EDNRB: variants seen among roughly 807,000 people sequenced by gnomAD.
The protein encoded by EDNRB is Hirschsprung disease 2.
A neutral mutation model predicts 46.4 loss-of-function variants in EDNRB; 18 were observed. The observed-to-expected ratio is 0.39, with a 90% CI of 0.27 to 0.57. The LOEUF is 0.57. Ranked by LOEUF, EDNRB falls within the 20% of genes least tolerant of loss-of-function variation. EDNRB has a pLI of 0.61. For synonymous variants in EDNRB, 213 were observed against 204.9 expected, an observed-to-expected ratio of 1.04 and a Z score of -0.34; for missense variants, 434 against 537.5, an observed-to-expected ratio of 0.81 and a Z score of 1.90.
chr13:77,969,088 G>A (rs149778607), intron 1 of EDNRB, among the ~76,000 whole-genome samples: 160 of 152,240 alleles, frequency 1.1e-3, no homozygotes, highest in African/African-American at 3.5e-3. Context: ...ACTGAGTTTC[G>A]TTTAAGCCTT....
intron 4 of EDNRB, 136 bp downstream of exon 4, chr13:77,900,922 T>C: frequency 9.2e-7 from 1 of 1,088,242 alleles, no homozygotes; most frequent in Non-Finnish European, 1.3e-6. Flanking sequence ...TTTATCTATT[T>C]AAAACTACCA....
chr13:77,938,033 G>A (rs1045706479), intron 1 of EDNRB, among the ~76,000 whole-genome samples: 2 of 152,138 alleles, frequency 1.3e-5, no homozygotes, highest in Non-Finnish European at 2.9e-5. Context: ...CAACTGTCAA[G>A]TTTGTTTGGG....
At chr13:77,913,420 A>C (rs1307543140) in intron 1 of EDNRB, among the ~76,000 whole-genome samples, 1 of 152,106 alleles carries the variant, frequency 6.6e-6, no homozygotes, top group Admixed American at 6.6e-5. Flanking sequence ...CTAGCTCTCC[A>C]TCACCACTGG....
chr13:77,948,772 T>C (rs1405923291), intron 1 of EDNRB, among the ~76,000 whole-genome samples: 3 of 152,200 alleles, frequency 2.0e-5, no homozygotes, highest in Non-Finnish European at 4.4e-5. Context: ...TACCATTTAC[T>C]GCAAAAAATT....
At chr13:77,917,156 G>A (rs1354312492) in intron 1 of EDNRB, among the ~76,000 whole-genome samples, 1 of 152,144 alleles carries the variant, frequency 6.6e-6, no homozygotes, top group East Asian at 1.9e-4. Context: ...TTGATGGGGT[G>A]CCATCATATA....
At chr13:77,969,724 T>G (rs941929505) in intron 1 of EDNRB, among the ~76,000 whole-genome samples, 1 of 152,228 alleles carries the variant, frequency 6.6e-6, no homozygotes, top group Admixed American at 6.5e-5. Flanking sequence ...AATGTGCTTA[T>G]GACTGGGAAC....
chr13:77,937,362 C>A (rs565433448), intron 1 of EDNRB, among the ~76,000 whole-genome samples: 1 of 152,138 alleles, frequency 6.6e-6, no homozygotes, highest in African/African-American at 2.4e-5. Flanking sequence ...GTGAAGCCAG[C>A]GGTTATCAGC....
chr13:77,918,232 C>A lies in EDNRB; in HGVS notation c.342G>T (p.Leu114=). The part of the protein sequence containing the change: ...NTVVSCLVFV[L]GIIGNSTLLR... ...GAAGTGTGGAGTTCCCGATGATCCC[C>A]AGCACGAACACAAGGCAGGACACAA... The change falls in exon 1 of 7, where the codon CTG becomes CTT. Residue 114 remains leucine (L), a synonymous_variant. Coordinates refer to ENST00000646607, the MANE Select transcript of EDNRB (RefSeq NM_001122659.3). The surrounding 1 kb of genome is among the most constrained non-coding windows in gnomAD (Gnocchi z 4.5). The A allele has an allele frequency of 1.2e-6, 2 of 1,614,106 alleles. No homozygotes were observed. The highest frequency in any genetic ancestry group is 1.7e-6 in the Non-Finnish European group (2 of 1,180,018).
chr13:77,900,740 C>A, intron 4 of EDNRB, 86 bp from the exon 5 acceptor site: 1 of 1,577,230 alleles, frequency 6.3e-7, no homozygotes, highest in Non-Finnish European at 8.7e-7. Flanking sequence ...TTAATATTGT[C>A]TACAAAAAGT....
intron 3 of EDNRB, among the ~76,000 whole-genome samples, chr13:77,902,153 A>T (rs1879024763): frequency 6.6e-6 from 1 of 152,000 alleles, no homozygotes; most frequent in African/African-American, 2.4e-5. Flanking sequence ...CATCAAAGAC[A>T]GAGAGAGGGG....
rs911090543 is a variant in EDNRB, at chr13:77,897,705, C to T, written c.*495G>A. 2 of 984,904 alleles carry T rather than the reference C, an allele frequency of 2.0e-6. No individual in the cohort carries two copies. The highest frequency in any genetic ancestry group is 3.5e-5 in the African/African-American group (2 of 57,128). The allele number at this position is 984,904 out of a possible 1,614,324, so 61.0% of individuals were successfully genotyped here. On this transcript the variant is annotated 3_prime_UTR_variant, in exon 7 of 7. Transcript: ENST00000646607. ...CTGCTCTCTCATTTGCATCTAATTACAATCTGATAATAGTGTGATAATATT... is the reference window on the plus strand; with the variant it reads ...CTGCTCTCTCATTTGCATCTAATTATAATCTGATAATAGTGTGATAATATT...
chr13:77,919,556 G>A, upstream of EDNRB: 1 of 1,612,688 alleles, frequency 6.2e-7, no homozygotes, highest in Non-Finnish European at 8.5e-7. Context: ...ATGCCAGACA[G>A]TGTAGCCTCC....
Position 77,917,327 on chromosome 13 carries a change from C to T in EDNRB, c.483+764G>A, listed in dbSNP as rs12720166. ...GTAACACATCTCACCCAGTCCTTGG[C>T]CCACTGTAGATATTTAATACAAAGT... On this transcript the variant is annotated intron_variant, in intron 1 of 6. Coordinates refer to ENST00000646607, the MANE Select transcript of EDNRB (RefSeq NM_001122659.3). Among the ~76,000 whole-genome samples, 507 of 152,288 alleles carry T rather than the reference C, an allele frequency of 3.3e-3. 6 individuals are homozygous for T. The East Asian group carries it at 0.054, about 16-fold the overall frequency.
chr13:77,960,519 C>G (rs982322757), intron 1 of EDNRB, among the ~76,000 whole-genome samples: 4 of 152,148 alleles, frequency 2.6e-5, no homozygotes, highest in Admixed American at 1.3e-4. Flanking sequence ...GCCTGCCCTA[C>G]AAGAGTTCCT....
intron 1 of EDNRB, among the ~76,000 whole-genome samples, chr13:77,972,505 G>A (rs1267556968): frequency 6.6e-6 from 1 of 152,160 alleles, no homozygotes; most frequent in African/African-American, 2.4e-5. Context: ...GACCAACTAT[G>A]GCATAAAAGC....
intron 1 of EDNRB, among the ~76,000 whole-genome samples, chr13:77,951,885 C>T (rs1881100620): frequency 6.6e-6 from 1 of 152,152 alleles, no homozygotes; most frequent in Non-Finnish European, 1.5e-5. Flanking sequence ...CCCACTTACC[C>T]AAAGTCGTCC....
intron 4 of EDNRB, 26 bp from the exon 5 acceptor site, chr13:77,900,680 T>A: frequency 6.2e-7 from 1 of 1,611,744 alleles, no homozygotes; most frequent in Non-Finnish European, 8.5e-7. Flanking sequence ...AGTTTGACCC[T>A]TAAAAGATGG....
In EDNRB at chr13:77,918,644, G is replaced by A. The variant is rs1479131378; in HGVS notation, c.-71C>T. On this transcript the variant is annotated 5_prime_UTR_variant, in exon 1 of 7. Coordinates refer to ENST00000646607, the MANE Select transcript of EDNRB (RefSeq NM_001122659.3). The surrounding 1 kb of genome is among the most constrained non-coding windows in gnomAD (Gnocchi z 4.5). The stretch of plus-strand genomic sequence containing the variant: ...CAGAGCCTAGAGACAAGCAGAGGAA[G>A]GAAGACAGGACACTTGGGTCAGCTG... The A allele has an allele frequency of 6.6e-7, 1 of 1,513,356 alleles. No homozygotes were observed. The highest frequency in any genetic ancestry group is 8.7e-7 in the Non-Finnish European group (1 of 1,144,192). The allele number at this position is 1,513,356 out of a possible 1,614,324, so 93.7% of individuals were successfully genotyped here. A position where few individuals can be genotyped will look rare whatever the true frequency, so the allele number is the denominator to read the frequency against.
rs1488893919 is a variant in EDNRB, at chr13:77,896,795, C to G, written c.*1405G>C. ...TCATTTCCTCTCTCTTCCGTTTTCT[C>G]TTGTACATACTTTCACACACATCTC... On this transcript the variant is annotated 3_prime_UTR_variant, in exon 7 of 7. Transcript: ENST00000646607. 2 of 1,263,060 alleles carry G rather than the reference C, an allele frequency of 1.6e-6. No individual in the cohort carries two copies. Among genetic ancestry groups the G allele is most frequent in the African/African-American group, 3.1e-5 (2 of 64,534 alleles). 78.2% of individuals were successfully genotyped at this position (1,263,060 alleles called of 1,614,324 possible).
Sources: gnomAD v4.1 joint callset for allele counts (sites outside exome capture counted in the v4.1 genomes callset) on GRCh38, gnomAD v4.1.1 for gene constraint, Gnocchi (gnomAD v3.1) non-coding constraint, MANE v1.5 for transcripts, NCBI Gene and HGNC (gene_info 2026-07-23, HGNC 2026-07-21) for gene names.